Variants in PLEK2 observed in about 807,000 individuals in gnomAD.
PLEK2 encodes pleckstrin-2.
Under a neutral mutation model 43.8 loss-of-function variants are expected in PLEK2, and 29 were observed. That is an observed-to-expected ratio of 0.66 (90% confidence interval 0.49 to 0.90). The LOEUF (loss-of-function observed/expected upper bound fraction) is 0.90. Ranked by LOEUF, PLEK2 falls within the 40% of genes least tolerant of loss-of-function variation. The probability of loss-of-function intolerance (pLI) is 0.00; values close to 1 mark genes in which losing one functional copy is unlikely to be tolerated. For missense variants in PLEK2, 398 were observed against 448.1 expected (o/e 0.89, Z 1.01); for synonymous variants, 162 against 173.2 (o/e 0.94, Z 0.51).
intron 1 of PLEK2, among the ~76,000 whole-genome samples, chr14:67,400,693 A>G (rs2086042203): frequency 1.3e-5 from 2 of 151,994 alleles, no homozygotes; most frequent in African/African-American, 4.8e-5. Context: ...AGGAGAGGGC[A>G]AAAGAATCTT....
intron 1 of PLEK2, among the ~76,000 whole-genome samples, chr14:67,405,858 T>C (rs2086075027): frequency 6.6e-6 from 1 of 152,226 alleles, no homozygotes; most frequent in African/African-American, 2.4e-5. Context: ...TTCAGGTGAC[T>C]GTCACTCTTG....
chr14:67,403,182 G>C (rs1253099166), intron 1 of PLEK2, among the ~76,000 whole-genome samples: 1 of 152,194 alleles, frequency 6.6e-6, no homozygotes, highest in Non-Finnish European at 1.5e-5. Flanking sequence ...ATGGTGTTGA[G>C]CACTTTTTCG....
chr14:67,392,481 C>T (rs987353698), intron 5 of PLEK2, 54 bp from the exon 6 acceptor site: 45 of 1,396,094 alleles, frequency 3.2e-5, no homozygotes, highest in East Asian at 1.4e-4. Context: ...CAGGCCCAGG[C>T]TATGGCGGCT....
rs1223480873 is a variant in PLEK2 at position 67,393,173 on chromosome 14, C to T, written c.458G>A (p.Ser153Asn). The part of the protein sequence containing the change: ...IRSSPNMEQG[S>N]TYKKTFLGSS... Reference sequence around the variant, plus strand: ...ACCGAGGAAGGTCTTTTTATAGGTGCTTCCCTGCTCCATGTTGGGGCTTGA... The same window carrying T: ...ACCGAGGAAGGTCTTTTTATAGGTGTTTCCCTGCTCCATGTTGGGGCTTGA... The change falls in exon 4 of 9, where the codon AGC (serine) becomes AAC (asparagine). Residue 153 changes from serine to asparagine, a missense_variant. Coordinates refer to ENST00000216446, the MANE Select transcript of PLEK2 (RefSeq NM_016445.3). 6.2e-7 allele frequency: 1 copy of T among 1,613,666 alleles called. No homozygotes were observed. The highest frequency in any genetic ancestry group is 2.2e-5 in the East Asian group (1 of 44,864).
chr14:67,392,264 A>G (rs1328060010), intron 6 of PLEK2, 62 bp downstream of exon 6: 1 of 1,115,968 alleles, frequency 9.0e-7, no homozygotes, highest in East Asian at 2.3e-5. Context: ...TTCTGGGCTC[A>G]CTGCTCCCTC....
Position 67,392,746 on chromosome 14 carries a change from A to G in PLEK2, c.585T>C (p.Pro195=). Residue 195 remains proline, a synonymous_variant, in exon 5 of 9, where the codon CCT becomes CCC. Coordinates refer to ENST00000216446, the MANE Select transcript of PLEK2 (RefSeq NM_016445.3). ...SMLMEENFLR[P]VGVRSMGAIR... ...TGGCTCCCATGCTTCGGACACCCAC[A>G]GGCCTGAGGAAGTTCTCCTCCATGA... is the stretch of plus-strand genomic sequence containing the variant. The G allele has an allele frequency of 6.2e-7, 1 of 1,614,106 alleles. No individual in the cohort carries two copies. The highest frequency in any genetic ancestry group is 8.5e-7 in the Non-Finnish European group (1 of 1,179,952).
chr14:67,409,585 C>T (rs926115600), intron 1 of PLEK2, among the ~76,000 whole-genome samples: 3 of 152,172 alleles, frequency 2.0e-5, no homozygotes, highest in Non-Finnish European at 2.9e-5. Flanking sequence ...GGCTCATCCC[C>T]CACTTCCCTC....
intron 6 of PLEK2, among the ~76,000 whole-genome samples, chr14:67,391,901 C>A (rs959054114): frequency 3.9e-5 from 6 of 152,120 alleles, no homozygotes; most frequent in Non-Finnish European, 5.9e-5. Flanking sequence ...TTGTTTTTAG[C>A]TCAGAAAGTG....
At chr14:67,392,558 A>G in intron 5 of PLEK2, 104 bp downstream of exon 5, 1 of 1,256,162 alleles carries the variant, frequency 8.0e-7, no homozygotes, top group Non-Finnish European at 1.2e-6. Context: ...GTCGTCCCCC[A>G]AGCCCAAGGT....
chr14:67,406,188 G>A (rs2086077239), intron 1 of PLEK2, among the ~76,000 whole-genome samples: 1 of 151,428 alleles, frequency 6.6e-6, no homozygotes, highest in African/African-American at 2.4e-5. Flanking sequence ...GAACCCAGGA[G>A]GAGGAGGTTG....
chr14:67,398,101 G>A (rs2086024172), intron 1 of PLEK2: 1 of 309,772 alleles, frequency 3.2e-6, no homozygotes. Context: ...TAATCCTACT[G>A]CTAGGAGACA....
At chr14:67,387,701 T>G (rs2085936803) in intron 8 of PLEK2, among the ~76,000 whole-genome samples, 1 of 152,242 alleles carries the variant, frequency 6.6e-6, no homozygotes, top group Non-Finnish European at 1.5e-5. Context: ...CCCTCTTGCC[T>G]GCTCCCTATG....
At chr14:67,408,723 G>A (rs1400622436) in intron 1 of PLEK2, among the ~76,000 whole-genome samples, 1 of 152,194 alleles carries the variant, frequency 6.6e-6, no homozygotes, top group Non-Finnish European at 1.5e-5. Flanking sequence ...AGGCAGCACG[G>A]CCCTGGCAAC....
rs145218491 is a variant in PLEK2 at position 67,391,269 on chromosome 14, A to ATGTGTGTGTGTG, written c.772-524_772-523insCACACACACACA. ...TAAAATCTAAATGTGTAAGCAGCTG[A>ATGTGTGTGTGTG]TATGTGTGTGTGTGTGTGTGTGTGT... is the stretch of plus-strand genomic sequence containing the variant. On this transcript the variant is annotated intron_variant, in intron 6 of 8. Transcript: ENST00000216446. 1.1e-3 allele frequency among the ~76,000 whole-genome samples: 152 copies of ATGTGTGTGTGTG among 139,636 alleles called. 1 individual carries two copies. Among genetic ancestry groups the ATGTGTGTGTGTG allele is most frequent in the African/African-American group, 2.6e-3 (87 of 34,104 alleles). 91.6% of individuals were successfully genotyped at this position (139,636 alleles called of 152,430 possible). A position where few individuals can be genotyped will look rare whatever the true frequency, so the allele number is the denominator to read the frequency against.
intron 1 of PLEK2, among the ~76,000 whole-genome samples, chr14:67,404,132 GA>G (rs926671098): frequency 6.6e-6 from 1 of 151,998 alleles, no homozygotes; most frequent in Non-Finnish European, 1.5e-5. Flanking sequence ...TTATAATAAT[GA>G]AAAAAATGAA....
intron 5 of PLEK2, 65 bp from the exon 6 acceptor site, chr14:67,392,492 G>A (rs1312669138): frequency 1.5e-6 from 2 of 1,352,032 alleles, no homozygotes; most frequent in East Asian, 2.3e-5. Flanking sequence ...TATGGCGGCT[G>A]TCAGAGGGGA....
intron 3 of PLEK2, among the ~76,000 whole-genome samples, chr14:67,394,984 T>A (rs1369329778): frequency 6.6e-6 from 1 of 152,098 alleles, no homozygotes; most frequent in Non-Finnish European, 1.5e-5. Flanking sequence ...ATGCAGCCCC[T>A]CAACCTTGGA....
rs1384805283 is a variant in PLEK2, at chr14:67,390,730, T to C, written c.788A>G (p.Asn263Ser). ...TAGAACAAAGCGACGCACCTTCCAG[T>C]TTTTCCTCTTGTGTCCCTGAGGCAA... ...YLAKQGHKRK[N>S]WKVRRFVLRK... Residue 263 changes from asparagine (N) to serine (S), a missense_variant, in exon 7 of 9, where the codon AAC becomes AGC. Coordinates refer to ENST00000216446, the MANE Select transcript of PLEK2 (RefSeq NM_016445.3). The C allele has an allele frequency of 6.2e-7, 1 of 1,612,916 alleles. No individual in the cohort carries two copies. Among genetic ancestry groups the C allele is most frequent in the East Asian group, 2.2e-5 (1 of 44,876 alleles).
rs1252550603 is a variant in PLEK2 at position 67,411,953 on chromosome 14, G to A, written c.42+65C>T. ...CGTTCCGGGGCGCGCGTCTGGCCCC[G>A]CTCTAGGGAGCCGCGTCGGCGGGGC... On this transcript the variant is annotated intron_variant, in intron 1 of 8. Coordinates refer to ENST00000216446, the MANE Select transcript of PLEK2 (RefSeq NM_016445.3). The A allele has an allele frequency of 4.2e-6, 6 of 1,421,876 alleles. No individual in the cohort carries two copies. The African/African-American group carries it at 4.4e-5, about 10-fold the overall frequency. 88.1% of individuals were successfully genotyped at this position (1,421,876 alleles called of 1,614,324 possible).
Sources: allele counts gnomAD v4.1 joint callset (sites outside exome capture counted in the v4.1 genomes callset), GRCh38; gene constraint gnomAD v4.1.1; transcripts MANE v1.5; gene names NCBI Gene and HGNC (gene_info 2026-07-23, HGNC 2026-07-21).